The following RNF144A variants were observed in gnomAD, a reference collection of about 807,000 sequenced individuals.
RNF144A encodes the protein E3 ubiquitin-protein ligase RNF144A.
RNF144A carries 11 observed loss-of-function variants against 38.7 expected under a neutral mutation model. The observed-to-expected ratio is 0.28, with a 90% CI of 0.18 to 0.47. The LOEUF (loss-of-function observed/expected upper bound fraction) is 0.47, where lower values mean the gene tolerates loss of function less well. RNF144A is among the 20% of genes least tolerant of loss of function. RNF144A has a pLI of 0.99. For missense variants in RNF144A, 316 were observed against 377.2 expected (o/e 0.84, Z 1.34); for synonymous variants, 149 against 143.9 (o/e 1.04, Z -0.25).
Position 7,044,026 on chromosome 2 carries a change from T to C in RNF144A, c.*4266T>C. On this transcript the variant is annotated 3_prime_UTR_variant, in exon 9 of 9. Coordinates refer to ENST00000320892, the MANE Select transcript of RNF144A (RefSeq NM_014746.6). Reference sequence around the variant, plus strand: ...AGAGCTGTTTGAATGCCTTTTAATGTTGTGTTTTGTACTCTGGAATCATAT... The same window carrying C: ...AGAGCTGTTTGAATGCCTTTTAATGCTGTGTTTTGTACTCTGGAATCATAT... 1 of 985,814 alleles carries C rather than the reference T, an allele frequency of 1.0e-6. No homozygotes were observed. The allele number at this position is 985,814 out of a possible 1,614,324, so 61.1% of individuals were successfully genotyped here.
chr2:6,973,950 CT>C (rs1210605198), intron 2 of RNF144A, among the ~76,000 whole-genome samples: 9 of 152,234 alleles, frequency 5.9e-5, no homozygotes, highest in African/African-American at 1.9e-4. Flanking sequence ...CTTTGCCAGT[CT>C]CTGGTCCACA....
chr2:7,010,139 G>T (rs1371123591), intron 3 of RNF144A, among the ~76,000 whole-genome samples: 1 of 152,260 alleles, frequency 6.6e-6, no homozygotes, highest in East Asian at 1.9e-4. Context: ...TGCGGAGCGT[G>T]TAAGCAATAT....
intron 2 of RNF144A, among the ~76,000 whole-genome samples, chr2:6,974,669 G>A (rs74345550): frequency 0.021 from 3,240 of 152,048 alleles, 125 homozygotes; most frequent in African/African-American, 0.075. Context: ...TCACATTGCC[G>A]TGAGCTGACC....
At chr2:6,919,195 G>A (rs1009254653) in intron 1 of RNF144A, among the ~76,000 whole-genome samples, 1 of 152,126 alleles carries the variant, frequency 6.6e-6, no homozygotes, top group South Asian at 2.1e-4. Flanking sequence ...GGTGGGGCAG[G>A]TCAGAGGTGG....
intron 2 of RNF144A, among the ~76,000 whole-genome samples, chr2:6,966,515 T>C (rs1249762134): frequency 1.3e-5 from 2 of 152,188 alleles, no homozygotes; most frequent in Non-Finnish European, 2.9e-5. Flanking sequence ...TGAGGTTGGT[T>C]TGGGGAGAAG....
chr2:6,996,767 A>C (rs1019277475), intron 2 of RNF144A, 149 bp from the exon 3 acceptor site: 3 of 791,300 alleles, frequency 3.8e-6, no homozygotes, highest in Non-Finnish European at 5.9e-6. Context: ...AAAACCAAAA[A>C]ATTCTCAGAA....
intron 6 of RNF144A, 31 bp from the exon 7 acceptor site, chr2:7,024,338 G>T (rs895661318): frequency 8.2e-6 from 13 of 1,576,714 alleles, no homozygotes; most frequent in Non-Finnish European, 1.1e-5. Context: ...GGATCCGTTT[G>T]TGCAGAGTCC....
chr2:6,931,515 A>G (rs770566094), intron 1 of RNF144A, among the ~76,000 whole-genome samples: 8 of 152,254 alleles, frequency 5.3e-5, no homozygotes, highest in Non-Finnish European at 8.8e-5. Context: ...TTGGCTCATA[A>G]AAGACTGCCC....
In RNF144A at chr2:7,041,877, T is replaced by C. The variant is rs1284033982; in HGVS notation, c.*2117T>C. 1.0e-6 allele frequency: 1 copy of C among 985,372 alleles called. No homozygotes were observed. The allele number at this position is 985,372 out of a possible 1,614,324, so 61.0% of individuals were successfully genotyped here. A position where few individuals can be genotyped will look rare whatever the true frequency, so the allele number is the denominator to read the frequency against. ...CCCCAGGGCTAGAGCTCAGATGACCTTATTTCTAGAGGGACAGGCTGTTCT... is the reference window on the plus strand; with the variant it reads ...CCCCAGGGCTAGAGCTCAGATGACCCTATTTCTAGAGGGACAGGCTGTTCT... On this transcript the variant is annotated 3_prime_UTR_variant, in exon 9 of 9. Transcript: ENST00000320892.
At chr2:7,075,841 A>G in the RNF144A span, among the ~76,000 whole-genome samples, 2 of 152,190 alleles carry the variant, frequency 1.3e-5, no homozygotes, top group Non-Finnish European at 2.9e-5. Context: ...GCTCAAGTCT[A>G]AGGGGAAGGG....
intron 2 of RNF144A, among the ~76,000 whole-genome samples, chr2:6,979,405 C>T (rs1668497447): frequency 1.3e-5 from 2 of 152,170 alleles, no homozygotes; most frequent in South Asian, 4.1e-4. Context: ...CTGGATTTAT[C>T]TCTGCATCCT....
At chr2:6,925,847 CATG>C (rs1270933786) in intron 1 of RNF144A, among the ~76,000 whole-genome samples, 1 of 152,172 alleles carries the variant, frequency 6.6e-6, no homozygotes, top group Non-Finnish European at 1.5e-5. Context: ...TTGGGGGAGA[CATG>C]ATTCAACACA....
At chr2:7,018,967 G>A (rs558595346) in intron 5 of RNF144A, among the ~76,000 whole-genome samples, 3 of 151,696 alleles carry the variant, frequency 2.0e-5, no homozygotes, top group South Asian at 2.1e-4. Context: ...ATCCAGTCCC[G>A]CCGGTGGCCT....
rs972062201 is a variant in RNF144A at position 6,941,802 on chromosome 2, A to G, written c.-12+655A>G. On this transcript the variant is annotated intron_variant, in intron 2 of 8. Coordinates refer to ENST00000320892, the MANE Select transcript of RNF144A (RefSeq NM_014746.6). The surrounding 1 kb of genome is among the most constrained non-coding windows in gnomAD (Gnocchi z 6.5). ...TAACTAGCCACTTAGCATCTGGGCA[A>G]GAGCGCTGTAGACAGAAGGGCTGGT... 1.3e-5 allele frequency among the ~76,000 whole-genome samples: 2 copies of G among 152,236 alleles called. No individual in the cohort carries two copies. The highest frequency in any genetic ancestry group is 2.9e-5 in the Non-Finnish European group (2 of 68,034).
chr2:7,028,440 T>C (rs1327106173), intron 7 of RNF144A, among the ~76,000 whole-genome samples: 1 of 152,194 alleles, frequency 6.6e-6, no homozygotes, highest in Non-Finnish European at 1.5e-5. Flanking sequence ...TCGGAGTCAG[T>C]ATCTTCAGCT....
chr2:7,034,978 G>A (rs940876022), intron 8 of RNF144A, among the ~76,000 whole-genome samples: 2 of 152,162 alleles, frequency 1.3e-5, no homozygotes, highest in Non-Finnish European at 2.9e-5. Context: ...AGGTTTTAGA[G>A]CAGCAGAATA....
At chr2:7,004,606 A>C (rs1049535657) in intron 3 of RNF144A, among the ~76,000 whole-genome samples, 2 of 152,220 alleles carry the variant, frequency 1.3e-5, no homozygotes, top group African/African-American at 4.8e-5. Context: ...TTCCTGAGTG[A>C]AAATGCCTGA....
Position 6,941,307 on chromosome 2 carries a change from G to A in RNF144A, c.-12+160G>A, listed in dbSNP as rs891372658. Reference sequence around the variant, plus strand: ...AGGCAATTTTCTAGTAGGTTTCCCCGGAATGAATTTTAAGATAGTGTTCAA... The same window carrying A: ...AGGCAATTTTCTAGTAGGTTTCCCCAGAATGAATTTTAAGATAGTGTTCAA... On this transcript the variant is annotated intron_variant, in intron 2 of 8. Transcript: ENST00000320892. This position sits in a 1 kb window ranked among gnomAD's most constrained non-coding sequence, Gnocchi z 6.5. Among the ~76,000 whole-genome samples the A allele has an allele frequency of 4.6e-5, 7 of 152,122 alleles. No homozygotes were observed. Among genetic ancestry groups the A allele is most frequent in the Admixed American group, 3.9e-4 (6 of 15,282 alleles).
At chr2:7,018,287 G>C (rs1466601465) in intron 5 of RNF144A, among the ~76,000 whole-genome samples, 1 of 152,214 alleles carries the variant, frequency 6.6e-6, no homozygotes, top group African/African-American at 2.4e-5. Context: ...TTCTCTTCCC[G>C]CGCAGCGTGT....
Sources: allele counts gnomAD v4.1 joint callset (sites outside exome capture counted in the v4.1 genomes callset), GRCh38; gene constraint gnomAD v4.1.1; non-coding constraint Gnocchi (gnomAD v3.1); transcripts MANE v1.5; gene names NCBI Gene and HGNC (gene_info 2026-07-23, HGNC 2026-07-21).